ZNF829: variants seen among roughly 807,000 people sequenced by gnomAD.
ZNF829 encodes the protein zinc finger protein 829.
Under a neutral mutation model 35.2 loss-of-function variants are expected in ZNF829, and 25 were observed. The ratio of observed to expected loss-of-function variants is 0.71; its 90% CI spans 0.52 to 0.99. ZNF829 has a LOEUF of 0.99. ZNF829 is among the 50% of genes least tolerant of loss of function. The pLI, the probability that ZNF829 is intolerant of heterozygous loss-of-function variation, is 0.00. For missense variants in ZNF829, 417 were observed against 515.3 expected, an observed-to-expected ratio of 0.81 and a Z score of 1.85; for synonymous variants, 136 against 163.2, an observed-to-expected ratio of 0.83 and a Z score of 1.27.
intron 3 of ZNF829, among the ~76,000 whole-genome samples, chr19:36,910,733 G>A (rs2073257109): frequency 6.6e-6 from 1 of 152,170 alleles, no homozygotes; most frequent in Admixed American, 6.5e-5. Flanking sequence ...CAGGCCGGGT[G>A]CGGTAGCTCA....
At chr19:36,907,087 C>CAAAAAAAAAAAAAAAA (rs1158970593) in intron 5 of ZNF829, 1 of 23,722 alleles carries the variant, frequency 4.2e-5, no homozygotes, top group African/African-American at 1.7e-4. Flanking sequence ...GACTCCATCT[C>CAAAAAAAAAAAAAAAA]AAAAAAAAAA....
At position 36,891,884 on chromosome 19, in the gene ZNF829, T is replaced by A. The variant is rs2073057400; in HGVS notation, c.907A>T (p.Lys303Ter). The change falls in exon 6 of 6, where the codon AAA becomes TAA. Residue 303 changes from lysine (K) to a stop codon, truncating the protein, a stop_gained. Coordinates refer to ENST00000391711, the MANE Select transcript of ZNF829 (RefSeq NM_001037232.4). LOFTEE classifies it high-confidence loss of function. ...AGCCTTGAGTGTTGAGTAAAGGCTT[T>A]CCCACATTCTTTACATTCATAAGGT... ...EKPYECKECG[K>*]AFTQHSRLIQ... The A allele has an allele frequency of 6.2e-7, 1 of 1,613,944 alleles. No homozygotes were observed. Among genetic ancestry groups the A allele is most frequent in the Admixed American group, 1.7e-5 (1 of 60,002 alleles).
At chr19:36,899,264 A>AC (rs111462486) in intron 5 of ZNF829, among the ~76,000 whole-genome samples, 9,246 of 150,146 alleles carry the variant, frequency 0.062, 721 homozygotes, top group African/African-American at 0.18. Flanking sequence ...ACATAGGGAG[A>AC]CCCCCCCCGA....
chr19:36,892,784 TAA>T (rs376647993), intron 5 of ZNF829: 15 of 415,342 alleles, frequency 3.6e-5, no homozygotes, highest in Admixed American at 9.6e-5. Context: ...AGATTCTAAT[TAA>T]AAAAAAAAAA....
intron 5 of ZNF829, among the ~76,000 whole-genome samples, chr19:36,898,863 T>C (rs1349084342): frequency 6.6e-6 from 1 of 152,060 alleles, no homozygotes; most frequent in Non-Finnish European, 1.5e-5. Flanking sequence ...TCAAAATGAA[T>C]TAAATACTTA....
At chr19:36,901,703 TAAAAAATAAA>T (rs2073167306) in intron 5 of ZNF829, 1 of 406,810 alleles carries the variant, frequency 2.5e-6, no homozygotes, top group African/African-American at 2.1e-5. Context: ...GTGCTAGCCT[TAAAAAATAAA>T]CAAGTCTTTC....
rs1243708303 is a variant in ZNF829, at chr19:36,892,310, A to G, written c.481T>C (p.Cys161Arg). The G allele has an allele frequency of 9.3e-6, 15 of 1,613,836 alleles. No individual in the cohort carries two copies. Among genetic ancestry groups the G allele is most frequent in the Non-Finnish European group, 1.3e-5 (15 of 1,179,984 alleles). Residue 161 changes from cysteine to arginine, a missense_variant, in exon 6 of 6, where the codon TGT (cysteine) becomes CGT (arginine). By Grantham distance (180) the Cys-to-Arg change is radical. Transcript: ENST00000391711. ...SEEKPWECKI[C>R]GKTFNQNSQF... is the part of the protein sequence containing the mutation. ...GAGTTTTGATTAAAGGTCTTTCCACATATCTTACATTCCCATGGTTTCTCT... is the reference window on the plus strand; with the variant it reads ...GAGTTTTGATTAAAGGTCTTTCCACGTATCTTACATTCCCATGGTTTCTCT...
chr19:36,908,214 C>G, intron 4 of ZNF829, 119 bp downstream of exon 4: 1 of 1,417,222 alleles, frequency 7.1e-7, no homozygotes, highest in Non-Finnish European at 9.6e-7. Context: ...TAACTCAAAC[C>G]ATTCCTTAGG....
chr19:36,909,215 CAGA>C (rs1372300907), intron 3 of ZNF829, among the ~76,000 whole-genome samples: 1 of 151,972 alleles, frequency 6.6e-6, no homozygotes, highest in Non-Finnish European at 1.5e-5. Flanking sequence ...CATCTAGGAA[CAGA>C]AGAAGTGAGG....
chr19:36,901,502 T>TG (rs1398512206), intron 5 of ZNF829, among the ~76,000 whole-genome samples: 1 of 152,190 alleles, frequency 6.6e-6, no homozygotes, highest in East Asian at 1.9e-4. Flanking sequence ...ATATGGTATG[T>TG]GAATTATACC....
intron 5 of ZNF829, chr19:36,901,862 C>A: frequency 4.0e-6 from 3 of 750,350 alleles, no homozygotes; most frequent in Non-Finnish European, 7.4e-6. Flanking sequence ...CTTCAAGAAG[C>A]GTGCCCCTCG....
At chr19:36,909,847 A>G (rs936917736) in intron 3 of ZNF829, among the ~76,000 whole-genome samples, 1 of 151,918 alleles carries the variant, frequency 6.6e-6, no homozygotes, top group Non-Finnish European at 1.5e-5. Context: ...AAATTGTGAT[A>G]TAATTCTATT....
chr19:36,914,918 C>T, intron 3 of ZNF829, 47 bp downstream of exon 3: 1 of 1,594,876 alleles, frequency 6.3e-7, no homozygotes, highest in Non-Finnish European at 8.6e-7. Context: ...AAATGACATT[C>T]CTTTAAGCAA....
chr19:36,908,735 T>G (rs1176057418), intron 3 of ZNF829, among the ~76,000 whole-genome samples: 1 of 152,182 alleles, frequency 6.6e-6, no homozygotes, highest in African/African-American at 2.4e-5. Flanking sequence ...CAAACACACC[T>G]TATAATACAT....
chr19:36,894,328 A>G (rs913034780), intron 5 of ZNF829, among the ~76,000 whole-genome samples: 1 of 152,208 alleles, frequency 6.6e-6, no homozygotes, highest in Non-Finnish European at 1.5e-5. Flanking sequence ...AATCCATAAA[A>G]TTGGAAAAAA....
At chr19:36,911,037 A>T (rs1289166326) in intron 3 of ZNF829, among the ~76,000 whole-genome samples, 3 of 152,116 alleles carry the variant, frequency 2.0e-5, no homozygotes, top group Admixed American at 6.6e-5. Flanking sequence ...CCAACAAAAA[A>T]GTAAAACTAT....
At chr19:36,902,511 T>C (rs926759042) in intron 5 of ZNF829, among the ~76,000 whole-genome samples, 1 of 152,098 alleles carries the variant, frequency 6.6e-6, no homozygotes, top group African/African-American at 2.4e-5. Context: ...GCCGTGCACC[T>C]GTAGTCCCAG....
Position 36,889,756 on chromosome 19 carries a change from TCA to T in ZNF829, c.*1734_*1735del, listed in dbSNP as rs1165602892. The T allele has an allele frequency of 2.6e-5, 4 of 152,194 alleles. No individual in the cohort carries two copies. Among genetic ancestry groups the T allele is most frequent in the Non-Finnish European group, 5.9e-5 (4 of 68,036 alleles). The allele number at this position is 152,194 out of a possible 1,614,324, so 9.4% of individuals were successfully genotyped here. On this transcript the variant is annotated 3_prime_UTR_variant, in exon 6 of 6. Coordinates refer to ENST00000391711, the MANE Select transcript of ZNF829 (RefSeq NM_001037232.4). ...ATTGATCTTTTGCATTCCTTTGTTC[TCA>T]GTCTCATTTTTGCCTGCTCTGATAT...
At chr19:36,915,918 G>T in intron 1 of ZNF829, 93 bp downstream of exon 1, 1 of 1,536,006 alleles carries the variant, frequency 6.5e-7, no homozygotes, top group Non-Finnish European at 8.7e-7. Flanking sequence ...GCTCCCCATC[G>T]GTCTTCGGTA....
Sources: allele counts gnomAD v4.1 joint callset (sites outside exome capture counted in the v4.1 genomes callset), GRCh38; gene constraint gnomAD v4.1.1; transcripts MANE v1.5; gene names NCBI Gene and HGNC (gene_info 2026-07-23, HGNC 2026-07-21).